The following DGCR2 variants were observed in gnomAD, a reference collection of about 807,000 sequenced individuals.
DGCR2 encodes the protein integral membrane protein DGCR2/IDD.
A neutral mutation model predicts 51.6 loss-of-function variants in DGCR2; 24 were observed. The ratio of observed to expected loss-of-function variants is 0.47; its 90% CI spans 0.34 to 0.65. The LOEUF is 0.65. Among genes scored for constraint, DGCR2 ranks in the 30% least tolerant of loss-of-function variants. The probability of loss-of-function intolerance (pLI) is 0.01; values close to 1 mark genes in which losing one functional copy is unlikely to be tolerated. For synonymous variants in DGCR2, 340 were observed against 315.4 expected, an observed-to-expected ratio of 1.08 and a Z score of -0.82; for missense variants, 765 against 772.1, an observed-to-expected ratio of 0.99 and a Z score of 0.11.
intron 3 of DGCR2, 31 bp downstream of exon 3, chr22:19,068,069 G>C: frequency 6.5e-7 from 1 of 1,531,872 alleles, no homozygotes. Context: ...GCACTCCCCA[G>C]TGTCCCAGTC....
chr22:19,065,979 A>G (rs1294485263), intron 3 of DGCR2: 1 of 152,252 alleles, frequency 6.6e-6, no homozygotes, highest in East Asian at 1.9e-4. Flanking sequence ...ACTTCTTCAT[A>G]AAGGCACATA....
At chr22:19,096,720 A>AT (rs2083144708) in intron 1 of DGCR2, among the ~76,000 whole-genome samples, 1 of 152,016 alleles carries the variant, frequency 6.6e-6, no homozygotes, top group African/African-American at 2.4e-5. Context: ...ATTCTTTTTT[A>AT]TTTTTTAGAG....
chr22:19,062,959 TAGAAAGCTGGCCAAAGTGAGATGCAAC>T, intron 5 of DGCR2, among the ~76,000 whole-genome samples: 1 of 152,074 alleles, frequency 6.6e-6, no homozygotes, highest in Non-Finnish European at 1.5e-5. Context: ...GGGGACAATC[TAGAAAGCTGGCCAAAGTGAGATGCAAC>T]AGAGGGTTCC....
chr22:19,036,682 C>G lies in DGCR2; in HGVS notation c.*2183G>C, dbSNP rs1046679706. 3 of 152,256 alleles carry G rather than the reference C, an allele frequency of 2.0e-5. No individual in the cohort carries two copies. Among genetic ancestry groups the G allele is most frequent in the Non-Finnish European group, 4.4e-5 (3 of 68,064 alleles). 9.4% of individuals were successfully genotyped at this position (152,256 alleles called of 1,614,324 possible). ...GCCACAGTGGCAGCGGTGTTCCAGG[C>G]AGCCCTGCCATGTGGACCTTCTGCC... On this transcript the variant is annotated 3_prime_UTR_variant, in exon 10 of 10. Transcript: ENST00000263196.
At chr22:19,100,041 A>G (rs905891716) in intron 1 of DGCR2, among the ~76,000 whole-genome samples, 1 of 152,072 alleles carries the variant, frequency 6.6e-6, no homozygotes, top group African/African-American at 2.4e-5. Context: ...TGGGAGGCCA[A>G]GGTAGGAGGA....
intron 2 of DGCR2, among the ~76,000 whole-genome samples, chr22:19,084,337 G>C (rs534636812): frequency 6.7e-6 from 1 of 149,386 alleles, no homozygotes; most frequent in Non-Finnish European, 1.5e-5. Context: ...CCGCCGCCCC[G>C]TCTGGGATGT....
At chr22:19,104,443 T>C (rs568777752) in intron 1 of DGCR2, among the ~76,000 whole-genome samples, 1 of 152,320 alleles carries the variant, frequency 6.6e-6, no homozygotes, top group East Asian at 1.9e-4. Context: ...CTGCATAAAT[T>C]GTTTAGAATT....
chr22:19,078,262 T>G (rs1423752159), intron 2 of DGCR2, among the ~76,000 whole-genome samples: 1 of 152,250 alleles, frequency 6.6e-6, no homozygotes, highest in East Asian at 1.9e-4. Context: ...GACTTTACAA[T>G]AGGTTTAAGA....
At chr22:19,059,336 G>A (rs908039953) in intron 5 of DGCR2, among the ~76,000 whole-genome samples, 1 of 150,708 alleles carries the variant, frequency 6.6e-6, no homozygotes, top group South Asian at 2.1e-4. Context: ...CAAGACTGGT[G>A]CCAGGTGATG....
chr22:19,111,193 T>C (rs2083310623), intron 1 of DGCR2, among the ~76,000 whole-genome samples: 1 of 152,200 alleles, frequency 6.6e-6, no homozygotes, highest in South Asian at 2.1e-4. Context: ...AATCACTGTG[T>C]GGTGAGATCA....
intron 5 of DGCR2, among the ~76,000 whole-genome samples, chr22:19,059,840 C>G (rs2082641744): frequency 6.6e-6 from 1 of 152,154 alleles, no homozygotes; most frequent in Non-Finnish European, 1.5e-5. Flanking sequence ...CGAGCAGCCA[C>G]TGCCACCTCC....
chr22:19,038,648 G>A lies in DGCR2; in HGVS notation c.*217C>T, dbSNP rs1254632959. 8 of 600,212 alleles carry A rather than the reference G, an allele frequency of 1.3e-5. 1 individual carries two copies. Among genetic ancestry groups the A allele is most frequent in the South Asian group, 2.1e-5 (1 of 47,506 alleles). 37.2% of individuals were successfully genotyped at this position (600,212 alleles called of 1,614,324 possible). On this transcript the variant is annotated 3_prime_UTR_variant, in exon 10 of 10. Coordinates refer to ENST00000263196, the MANE Select transcript of DGCR2 (RefSeq NM_005137.3). Reference sequence around the variant, plus strand: ...GGAGAAGACAGTGATCCAAAGCTATGCATGTTTCTGAAGCCCTCAAGGAAG... The same window carrying A: ...GGAGAAGACAGTGATCCAAAGCTATACATGTTTCTGAAGCCCTCAAGGAAG...
intron 1 of DGCR2, among the ~76,000 whole-genome samples, chr22:19,098,373 CCAGGTGGCCAGCTTCA>C (rs2083164841): frequency 6.6e-6 from 1 of 152,174 alleles, no homozygotes; most frequent in Admixed American, 6.5e-5. Context: ...ATAAGTATTT[CCAGGTGGCCAGCTTCA>C]CAGGCCACCC....
intron 1 of DGCR2, among the ~76,000 whole-genome samples, chr22:19,108,505 G>A (rs1158762368): frequency 6.8e-6 from 1 of 147,644 alleles, no homozygotes; most frequent in East Asian, 2.0e-4. Flanking sequence ...AGCCAGGGAG[G>A]TCAAGGCTGC....
chr22:19,086,405 G>C lies in DGCR2; in HGVS notation c.202+2963C>G, dbSNP rs1164710892. On this transcript the variant is annotated intron_variant, in intron 2 of 9. Transcript: ENST00000263196. The stretch of plus-strand genomic sequence containing the variant: ...GAGGCAGGAGAATGGCATGAACCCG[G>C]GAGGCAGAGCTTGCAGTGAGCCCAG... Among the ~76,000 whole-genome samples the C allele has an allele frequency of 2.0e-5, 3 of 152,104 alleles. No homozygotes were observed. In the East Asian group the frequency reaches 5.8e-4, roughly 29 times the overall value.
chr22:19,075,251 C>A (rs2082862125), intron 2 of DGCR2, among the ~76,000 whole-genome samples: 1 of 152,082 alleles, frequency 6.6e-6, no homozygotes, highest in Admixed American at 6.6e-5. Context: ...CACAGTGAAA[C>A]CCCATCTCTA....
At chr22:19,119,735 CAAAAAAAAA>C (rs57362176) in intron 1 of DGCR2, among the ~76,000 whole-genome samples, 1 of 78,156 alleles carries the variant, frequency 1.3e-5, no homozygotes, top group Non-Finnish European at 2.5e-5. Flanking sequence ...GACTCTGTCT[CAAAAAAAAA>C]AAAAAAAAAA....
rs368876721 is a variant in DGCR2, at chr22:19,041,793, C to A, written c.1159+14G>T. On this transcript the variant is annotated intron_variant, in intron 8 of 9. Transcript: ENST00000263196. Reference sequence around the variant, plus strand: ...GGATGGGGACCAGGGTTGTGGCCCTCAGAGGGCACTTACAGTTTGCTCCAA... The same window carrying A: ...GGATGGGGACCAGGGTTGTGGCCCTAAGAGGGCACTTACAGTTTGCTCCAA... 1 of 1,609,632 alleles carries A rather than the reference C, an allele frequency of 6.2e-7. No individual in the cohort carries two copies. The highest frequency in any genetic ancestry group is 8.5e-7 in the Non-Finnish European group (1 of 1,178,562).
At chr22:19,081,464 G>C (rs2082935859) in intron 2 of DGCR2, among the ~76,000 whole-genome samples, 1 of 152,152 alleles carries the variant, frequency 6.6e-6, no homozygotes, top group Non-Finnish European at 1.5e-5. Context: ...CATCCATGTT[G>C]CTGCATAAAC....
Sources: gnomAD v4.1 joint callset for allele counts (sites outside exome capture counted in the v4.1 genomes callset) on GRCh38, gnomAD v4.1.1 for gene constraint, MANE v1.5 for transcripts, NCBI Gene and HGNC (gene_info 2026-07-23, HGNC 2026-07-21) for gene names.